Variants in EXD3 observed in about 807,000 individuals in gnomAD.
EXD3 encodes exonuclease mut-7 homolog.
EXD3 carries 92 observed loss-of-function variants against 98.0 expected under a neutral mutation model. The observed-to-expected ratio is 0.94, with a 90% CI of 0.79 to 1.12. The LOEUF is 1.12. EXD3 is among the 50% of genes most tolerant of loss of function. EXD3 has a pLI of 0.00. For missense variants in EXD3, 1,222 were observed against 1,191.6 expected (o/e 1.03, Z -0.38); for synonymous variants, 569 against 526.0 (o/e 1.08, Z -1.12).
intron 2 of EXD3, among the ~76,000 whole-genome samples, chr9:137,390,625 G>A (rs140573951): frequency 1.7e-3 from 254 of 152,278 alleles, no homozygotes; most frequent in African/African-American, 5.9e-3. Flanking sequence ...CACACAGTGA[G>A]GAAGATGAGC....
Position 137,373,488 on chromosome 9 carries a change from C to G in EXD3, c.232G>C (p.Ala78Pro), listed in dbSNP as rs778142752. The change falls in exon 4 of 22, where the codon GCC (alanine) becomes CCC (proline). Residue 78 changes from alanine to proline, a missense_variant. Transcript: ENST00000340951. ...GQRGEGPSLA[A>P]WISHQLQCWL... is the part of the protein sequence containing the mutation. Reference sequence around the variant, plus strand: ...CACTGCAGCTGGTGGGAGATCCAGGCCGCCAGGGAGGGGCCCTCTCCCCGC... The same window carrying G: ...CACTGCAGCTGGTGGGAGATCCAGGGCGCCAGGGAGGGGCCCTCTCCCCGC... The G allele has an allele frequency of 6.2e-7, 1 of 1,608,652 alleles. No homozygotes were observed. The highest frequency in any genetic ancestry group is 8.5e-7 in the Non-Finnish European group (1 of 1,178,592).
chr9:137,328,671 A>AG (rs1394538213), intron 17 of EXD3, among the ~76,000 whole-genome samples: 1 of 48,976 alleles, frequency 2.0e-5, no homozygotes, highest in Non-Finnish European at 3.4e-5. Flanking sequence ...ACTACACGGG[A>AG]CTACACGGGG....
chr9:137,395,671 G>C lies in EXD3; in HGVS notation c.-47-267C>G, dbSNP rs538364691. On this transcript the variant is annotated intron_variant, in intron 1 of 21. Transcript: ENST00000340951. The surrounding 1 kb of genome is among the most constrained non-coding windows in gnomAD (Gnocchi z 6.5). The stretch of plus-strand genomic sequence containing the variant: ...GGCAGGGGGTGGGAGGGGCCCTGGG[G>C]GGGGGCACAGTAGACAGACCCTCGC... 1.9e-3 allele frequency among the ~76,000 whole-genome samples: 285 copies of C among 152,292 alleles called. 1 individual carries two copies. Among genetic ancestry groups the C allele is most frequent in the Non-Finnish European group, 2.8e-3 (189 of 68,010 alleles).
At chr9:137,396,445 G>A (rs1175923395) in intron 1 of EXD3, among the ~76,000 whole-genome samples, 1 of 152,180 alleles carries the variant, frequency 6.6e-6, no homozygotes, top group African/African-American at 2.4e-5. Flanking sequence ...TAACACAGGC[G>A]TGCAGGAGAG....
At chr9:137,389,385 C>A (rs1370422392) in intron 2 of EXD3, among the ~76,000 whole-genome samples, 2 of 152,214 alleles carry the variant, frequency 1.3e-5, no homozygotes, top group African/African-American at 4.8e-5. Flanking sequence ...ACAGCACCGT[C>A]TCTCATCGGT....
At chr9:137,366,699 C>A (rs1835278363) in intron 6 of EXD3, 67 bp from the exon 7 acceptor site, 1 of 1,509,536 alleles carries the variant, frequency 6.6e-7, no homozygotes, top group Non-Finnish European at 8.9e-7. Flanking sequence ...TCACCTCCAA[C>A]CCAGAGGGAG....
intron 19 of EXD3, among the ~76,000 whole-genome samples, chr9:137,312,725 G>A (rs990799656): frequency 1.3e-5 from 2 of 152,164 alleles, no homozygotes; most frequent in Admixed American, 1.3e-4. Context: ...AGCTAGGAGG[G>A]CTCGAGGGGT....
intron 1 of EXD3, among the ~76,000 whole-genome samples, chr9:137,417,501 C>T (rs1278798065): frequency 6.6e-6 from 1 of 152,176 alleles, no homozygotes; most frequent in African/African-American, 2.4e-5. Flanking sequence ...ACAGCCCACC[C>T]GTTCCTCGGA....
rs530452613 is a variant in EXD3, at chr9:137,407,152, G to A, written c.-47-11748C>T. Among the ~76,000 whole-genome samples, 44 of 152,282 alleles carry A rather than the reference G, an allele frequency of 2.9e-4. No individual in the cohort carries two copies. In the East Asian group the frequency reaches 8.1e-3, roughly 28 times the overall value. ...ACGCCGACCGCCGCGCGTCCGGGCCGGTCTCTGGGCCCCTCTGCTGGTGGA... is the reference window on the plus strand; with the variant it reads ...ACGCCGACCGCCGCGCGTCCGGGCCAGTCTCTGGGCCCCTCTGCTGGTGGA... On this transcript the variant is annotated intron_variant, in intron 1 of 21. Transcript: ENST00000340951. The surrounding 1 kb of genome is among the most constrained non-coding windows in gnomAD (Gnocchi z 4.4).
intron 19 of EXD3, among the ~76,000 whole-genome samples, chr9:137,319,043 G>T (rs1420090026): frequency 6.6e-6 from 1 of 152,244 alleles, no homozygotes; most frequent in Non-Finnish European, 1.5e-5. Context: ...TCAGCCCGGC[G>T]GCAGGCGCTC....
At chr9:137,411,749 G>A in intron 1 of EXD3, among the ~76,000 whole-genome samples, 1 of 133,214 alleles carries the variant, frequency 7.5e-6, no homozygotes, top group East Asian at 2.2e-4. Context: ...GGGTGGGGGA[G>A]TGGGAGGGAG....
At chr9:137,327,307 G>C (rs1364206801) in intron 17 of EXD3, among the ~76,000 whole-genome samples, 2 of 152,024 alleles carry the variant, frequency 1.3e-5, no homozygotes, top group African/African-American at 2.4e-5. Flanking sequence ...CTGATATTTT[G>C]TATTTCTAAT....
At position 137,324,252 on chromosome 9, in the gene EXD3, C is replaced by T. The variant is rs1832261346; in HGVS notation, c.1999-109G>A. On this transcript the variant is annotated intron_variant, in intron 17 of 21. Coordinates refer to ENST00000340951, the MANE Select transcript of EXD3 (RefSeq NM_017820.5). The surrounding 1 kb of genome is among the most constrained non-coding windows in gnomAD (Gnocchi z 4.1). ...CCCCGGATCGTGGCCCTGCCCCAGG[C>T]CCCTTTTGTCCTCCAGGGTGGCCTC... is the stretch of plus-strand genomic sequence containing the variant. The T allele has an allele frequency of 1.3e-5, 12 of 923,162 alleles. No homozygotes were observed. In the South Asian group the frequency reaches 1.8e-4, roughly 13 times the overall value. The allele number at this position is 923,162 out of a possible 1,614,324, so 57.2% of individuals were successfully genotyped here. A position where few individuals can be genotyped will look rare whatever the true frequency, so the allele number is the denominator to read the frequency against.
intron 7 of EXD3, among the ~76,000 whole-genome samples, chr9:137,357,604 AGTTACAGCATTTGTGCTTTTAAG>A (rs1834857041): frequency 6.6e-6 from 1 of 151,854 alleles, no homozygotes; most frequent in African/African-American, 2.4e-5. Flanking sequence ...GCAGTATCTT[AGTTACAGCATTTGTGCTTTTAAG>A]GTTTCTTTTG....
rs984717331 is a variant in EXD3 at position 137,395,724 on chromosome 9, G to A, written c.-47-320C>T. On this transcript the variant is annotated intron_variant, in intron 1 of 21. Coordinates refer to ENST00000340951, the MANE Select transcript of EXD3 (RefSeq NM_017820.5). This position sits in a 1 kb window ranked among gnomAD's most constrained non-coding sequence, Gnocchi z 6.5. ...GAGTGCAGAGGGGCCTGTTCTTGAG[G>A]ACAGCGTGACCCCCCTTGCCATGTC... Among the ~76,000 whole-genome samples, 4 of 152,084 alleles carry A rather than the reference G, an allele frequency of 2.6e-5. No homozygotes were observed. The highest frequency in any genetic ancestry group is 9.7e-5 in the African/African-American group (4 of 41,408).
chr9:137,381,954 G>C (rs980812724), intron 3 of EXD3, among the ~76,000 whole-genome samples: 2 of 151,794 alleles, frequency 1.3e-5, no homozygotes, highest in Non-Finnish European at 2.9e-5. Context: ...AGGAGGAGGT[G>C]AGGGCGCAGG....
intron 3 of EXD3, chr9:137,374,827 A>G (rs2131689676): frequency 1.0e-6 from 1 of 985,522 alleles, no homozygotes; most frequent in East Asian, 1.1e-4. Context: ...TGGAACTTGA[A>G]GCAACTTGAA....
At chr9:137,355,497 G>GACCTAGAAACACTGCA (rs1564508303) in intron 8 of EXD3, among the ~76,000 whole-genome samples, 1 of 44,752 alleles carries the variant, frequency 2.2e-5, no homozygotes, top group Non-Finnish European at 5.1e-5. Context: ...GAGGATGGAG[G>GACCTAGAAACACTGCA]AAGGAGGAAG....
intron 19 of EXD3, among the ~76,000 whole-genome samples, chr9:137,314,501 G>A (rs1831534248): frequency 6.6e-6 from 1 of 152,134 alleles, no homozygotes; most frequent in Non-Finnish European, 1.5e-5. Flanking sequence ...GAGCAAGCTG[G>A]TAGCCACCCG....
Sources: gnomAD v4.1 joint callset for allele counts (sites outside exome capture counted in the v4.1 genomes callset) on GRCh38, gnomAD v4.1.1 for gene constraint, Gnocchi (gnomAD v3.1) non-coding constraint, MANE v1.5 for transcripts, NCBI Gene and HGNC (gene_info 2026-07-23, HGNC 2026-07-21) for gene names.